Variants in CERS1 observed in about 807,000 individuals in gnomAD.
CERS1 encodes the protein ceramide synthase 1, also known as Embryonic growth/differentiation factor 1.
Under a neutral mutation model 35.7 loss-of-function variants are expected in CERS1, and 16 were observed. The observed-to-expected ratio is 0.45, with a 90% confidence interval of 0.30 to 0.68. CERS1 has a LOEUF of 0.68. CERS1 is among the 30% of genes least tolerant of loss of function. CERS1 has a pLI of 0.08. For synonymous variants in CERS1, 243 were observed against 201.6 expected (o/e 1.21, Z -1.74); for missense variants, 454 against 453.9 (o/e 1.00, Z 0.00).
At position 18,888,519 on chromosome 19, in the gene CERS1, T is replaced by TAAAAAAAAA. The variant is rs781426705; in HGVS notation, c.410-4261_410-4253dup. On this transcript the variant is annotated intron_variant, in intron 2 of 7. Coordinates refer to ENST00000623882, the MANE Select transcript of CERS1 (RefSeq NM_021267.5). ...GGCGACAGAGTGAGACCCTGTCTCT[T>TAAAAAAAAA]AAAAAAAAAAAAAAAAAAAAAAAAA... Among the ~76,000 whole-genome samples the TAAAAAAAAA allele has an allele frequency of 5.4e-4, 32 of 59,046 alleles. 3 individuals are homozygous for TAAAAAAAAA. The highest frequency in any genetic ancestry group is 2.3e-3 in the African/African-American group (31 of 13,246). 38.7% of individuals were successfully genotyped at this position (59,046 alleles called of 152,430 possible).
At position 18,869,251 on chromosome 19, in the gene CERS1, C is replaced by T. The variant is rs1285589631; in HGVS notation, c.*734G>A. 7 of 1,440,002 alleles carry T rather than the reference C, an allele frequency of 4.9e-6. No individual in the cohort carries two copies. The highest frequency in any genetic ancestry group is 3.0e-5 in the East Asian group (1 of 33,496). 89.2% of individuals were successfully genotyped at this position (1,440,002 alleles called of 1,614,324 possible). On this transcript the variant is annotated 3_prime_UTR_variant, in exon 8 of 8. Transcript: ENST00000623882. ...CCCAGCCGCCCTCCGGGGCTGCCGCCGCCGCCGCCGCGAAACGCAGCTCCA... is the reference window on the plus strand; with the variant it reads ...CCCAGCCGCCCTCCGGGGCTGCCGCTGCCGCCGCCGCGAAACGCAGCTCCA...
At chr19:18,869,442 A>C in intron 7 of CERS1, 52 bp from the exon 8 acceptor site, 1 of 1,504,624 alleles carries the variant, frequency 6.6e-7, no homozygotes, top group African/African-American at 1.4e-5. Context: ...CGGCCTGCCC[A>C]TGGGGTCTCG....
At position 18,869,073 on chromosome 19, in the gene CERS1, G is replaced by A; in HGVS notation, c.*912C>T. 9 of 1,060,670 alleles carry A rather than the reference G, an allele frequency of 8.5e-6. No homozygotes were observed. Among genetic ancestry groups the A allele is most frequent in the Non-Finnish European group, 1.0e-5 (9 of 879,018 alleles). 65.7% of individuals were successfully genotyped at this position (1,060,670 alleles called of 1,614,324 possible). ...GCCCGGGGGCGTAGCGCCAGCGCCA[G>A]GCGGAGGCTGCGCGGCCATGAGGCG... On this transcript the variant is annotated 3_prime_UTR_variant, in exon 8 of 8. Transcript: ENST00000623882.
intron 2 of CERS1, among the ~76,000 whole-genome samples, chr19:18,890,223 CT>C (rs1332098361): frequency 1.3e-5 from 2 of 152,352 alleles, no homozygotes; most frequent in South Asian, 2.1e-4. Flanking sequence ...GGGGCCACCC[CT>C]GTCCCTGCTA....
In CERS1 at chr19:18,878,778, C is replaced by G. The variant is rs1282667815; in HGVS notation, c.1010+152G>C. The G allele has an allele frequency of 2.7e-6, 4 of 1,458,984 alleles. No homozygotes were observed. Among genetic ancestry groups the G allele is most frequent in the Non-Finnish European group, 3.6e-6 (4 of 1,105,302 alleles). 90.4% of individuals were successfully genotyped at this position (1,458,984 alleles called of 1,614,324 possible). ...CAGGGTACTGGCCACATCGTCCACG[C>G]CTTTATTGCAGTCTCTGTTTTGGAG... On this transcript the variant is annotated intron_variant, in intron 6 of 7. Coordinates refer to ENST00000623882, the MANE Select transcript of CERS1 (RefSeq NM_021267.5). This position sits in a 1 kb window ranked among gnomAD's most constrained non-coding sequence, Gnocchi z 4.6.
At position 18,890,784 on chromosome 19, in the gene CERS1, A is replaced by G. The variant is rs1020062311; in HGVS notation, c.409+2632T>C. 2.6e-3 allele frequency among the ~76,000 whole-genome samples: 120 copies of G among 46,344 alleles called. 1 individual carries two copies. The South Asian group carries it at 0.049, about 19-fold the overall frequency. 30.4% of individuals were successfully genotyped at this position (46,344 alleles called of 152,430 possible). On this transcript the variant is annotated intron_variant, in intron 2 of 7. Transcript: ENST00000623882. The stretch of plus-strand genomic sequence containing the variant: ...CAACAGAGTAAGACCGCGTCTGGGG[A>G]AAAAAAAAAAAAAAAAAAAGCAGCT...
At chr19:18,893,346 C>T (rs2056542261) in intron 2 of CERS1, 70 bp downstream of exon 2, 2 of 1,499,276 alleles carry the variant, frequency 1.3e-6, no homozygotes, top group African/African-American at 1.4e-5. Flanking sequence ...TCATGAGTAG[C>T]TGGGACCACA....
At chr19:18,881,888 C>G (rs2056219098) in intron 3 of CERS1, 1 of 152,260 alleles carries the variant, frequency 6.6e-6, no homozygotes, top group Admixed American at 6.5e-5. Context: ...CGGCTCACAG[C>G]CACCTCTGCC....
rs554210150 is a variant in CERS1 at position 18,877,850 on chromosome 19, G to A, written c.1010+1080C>T. On this transcript the variant is annotated intron_variant, in intron 6 of 7. Coordinates refer to ENST00000623882, the MANE Select transcript of CERS1 (RefSeq NM_021267.5). Reference sequence around the variant, plus strand: ...GAGGCTCCTAACGCCGCATCTGCCAGAACCCATGTGACCCTCTGCCCCAAT... The same window carrying A: ...GAGGCTCCTAACGCCGCATCTGCCAAAACCCATGTGACCCTCTGCCCCAAT... The A allele has an allele frequency of 7.3e-4, 327 of 448,078 alleles. 1 individual carries two copies. Among genetic ancestry groups the A allele is most frequent in the African/African-American group, 6.8e-3 (316 of 46,500 alleles). 27.8% of individuals were successfully genotyped at this position (448,078 alleles called of 1,614,324 possible). A position where few individuals can be genotyped will look rare whatever the true frequency, so the allele number is the denominator to read the frequency against.
In CERS1 at chr19:18,880,298, C is replaced by A. The variant is rs757882100; in HGVS notation, c.728G>T (p.Gly243Val). The A allele has an allele frequency of 1.0e-5, 16 of 1,551,866 alleles. No homozygotes were observed. Among genetic ancestry groups the A allele is most frequent in the South Asian group, 2.4e-5 (2 of 84,068 alleles). The change falls in exon 4 of 8, where the codon GGC becomes GTC. Residue 243 changes from glycine (G) to valine (V), a missense_variant. By Grantham distance (109) the Gly-to-Val change is moderately radical. Coordinates refer to ENST00000623882, the MANE Select transcript of CERS1 (RefSeq NM_021267.5). ...CCAGCTGAAGCCGAAGCTGAGGCAG[C>A]CCAAGTCTGCTGCCAAGGCATGCAG... ...HRLHALAADLGCLSFGFSWFW... is the reference protein window; with the variant it reads ...HRLHALAADLVCLSFGFSWFW...
chr19:18,874,215 T>C (rs2145997617), intron 6 of CERS1, among the ~76,000 whole-genome samples: 1 of 152,210 alleles, frequency 6.6e-6, no homozygotes, highest in African/African-American at 2.4e-5. Context: ...GTGCAGGAGA[T>C]GATGATGATG....
In CERS1 at chr19:18,880,398, C is replaced by T. The variant is rs1164242852; in HGVS notation, c.628G>A (p.Asp210Asn). 2 of 1,589,182 alleles carry T rather than the reference C, an allele frequency of 1.3e-6. No individual in the cohort carries two copies. Among genetic ancestry groups the T allele is most frequent in the Non-Finnish European group, 1.7e-6 (2 of 1,168,104 alleles). The change falls in exon 4 of 8, where the codon GAT (aspartate) becomes AAT (asparagine). Residue 210 changes from aspartate (D) to asparagine (N), a missense_variant. Coordinates refer to ENST00000623882, the MANE Select transcript of CERS1 (RefSeq NM_021267.5). ...NVGILVLFLH[D>N]ISDVQLEFTK... is the part of the protein sequence containing the mutation. ...AACTCAAGCTGCACGTCACTGATAT[C>T]GTGCAGGAAGAGCACAAGGATGCCC...
chr19:18,877,628 T>C (rs772168530), intron 6 of CERS1, among the ~76,000 whole-genome samples: 9 of 151,962 alleles, frequency 5.9e-5, no homozygotes, highest in Non-Finnish European at 1.3e-4. Context: ...GGTGCATGCC[T>C]GTGGGCCCAG....
In CERS1 at chr19:18,880,104, T is replaced by C. The variant is rs1014515606; in HGVS notation, c.752+170A>G. ...ACCCTTGTCCTACTCCTTTCCTGTA[T>C]AGCCCCGCCCCTTCAGTCCCACCCA... is the stretch of plus-strand genomic sequence containing the variant. On this transcript the variant is annotated intron_variant, in intron 4 of 7. Transcript: ENST00000623882. 3.3e-5 allele frequency among the ~76,000 whole-genome samples: 5 copies of C among 150,096 alleles called. No individual in the cohort carries two copies. In the East Asian group the frequency reaches 8.1e-4, roughly 24 times the overall value.
chr19:18,880,300 C>G lies in CERS1; in HGVS notation c.726G>C (p.Leu242Phe), dbSNP rs1166708354. The change falls in exon 4 of 8, where the codon TTG becomes TTC. Residue 242 changes from leucine (L) to phenylalanine (F), a missense_variant. Leu to Phe is a conservative substitution (Grantham distance 22). Transcript: ENST00000623882. ...YHRLHALAAD[L>F]GCLSFGFSWF... The stretch of plus-strand genomic sequence containing the variant: ...AGCTGAAGCCGAAGCTGAGGCAGCC[C>G]AAGTCTGCTGCCAAGGCATGCAGCC... The G allele has an allele frequency of 6.4e-7, 1 of 1,552,268 alleles. No homozygotes were observed. The highest frequency in any genetic ancestry group is 1.2e-5 in the South Asian group (1 of 84,102).
At chr19:18,871,845 C>T (rs2055975984) in intron 6 of CERS1, among the ~76,000 whole-genome samples, 1 of 152,330 alleles carries the variant, frequency 6.6e-6, no homozygotes, top group South Asian at 2.1e-4. Context: ...GGCGTTTCTT[C>T]ATCCACCCTT....
chr19:18,890,337 C>T (rs2056459954), intron 2 of CERS1, among the ~76,000 whole-genome samples: 2 of 152,234 alleles, frequency 1.3e-5, no homozygotes, highest in East Asian at 1.9e-4. Flanking sequence ...CGTACTGCAC[C>T]GTCTGTTGCC....
intron 6 of CERS1, among the ~76,000 whole-genome samples, chr19:18,874,113 C>G (rs541675357): frequency 6.6e-6 from 1 of 152,254 alleles, no homozygotes; most frequent in African/African-American, 2.4e-5. Context: ...TCCCTAGCCT[C>G]AGAGAGAGGG....
In CERS1 at chr19:18,869,011, C is replaced by CAGCG. The variant is rs1285764151; in HGVS notation, c.*970_*973dup. The stretch of plus-strand genomic sequence containing the variant: ...GGCGCGGGTCGAGGGTCACCAGCAG[C>CAGCG]AGCGAGGCCTCGGCCAGGCGCGCGC... On this transcript the variant is annotated 3_prime_UTR_variant, in exon 8 of 8. Coordinates refer to ENST00000623882, the MANE Select transcript of CERS1 (RefSeq NM_021267.5). 9.1e-7 allele frequency: 1 copy of CAGCG among 1,094,922 alleles called. No homozygotes were observed. Among genetic ancestry groups the CAGCG allele is most frequent in the Non-Finnish European group, 1.1e-6 (1 of 901,226 alleles). 67.8% of individuals were successfully genotyped at this position (1,094,922 alleles called of 1,614,324 possible).
Sources: gnomAD v4.1 joint callset for allele counts (sites outside exome capture counted in the v4.1 genomes callset) on GRCh38, gnomAD v4.1.1 for gene constraint, Gnocchi (gnomAD v3.1) non-coding constraint, MANE v1.5 for transcripts, NCBI Gene and HGNC (gene_info 2026-07-23, HGNC 2026-07-21) for gene names.